The following LAD1 variants were observed in gnomAD, a reference collection of about 807,000 sequenced individuals.
The protein encoded by LAD1 is ladinin 1.
A neutral mutation model predicts 54.2 loss-of-function variants in LAD1; 53 were observed. That is an observed-to-expected ratio of 0.98 (90% CI 0.78 to 1.23). The LOEUF (loss-of-function observed/expected upper bound fraction) is 1.23. LAD1 is among the 50% of genes most tolerant of loss of function. LAD1 has a pLI of 0.00. For synonymous variants in LAD1, 231 were observed against 257.7 expected (o/e 0.90, Z 0.99); for missense variants, 637 against 653.3 (o/e 0.98, Z 0.27).
intron 7 of LAD1, 22 bp downstream of exon 7, chr1:201,383,052 C>G: frequency 6.2e-7 from 1 of 1,606,248 alleles, no homozygotes; most frequent in African/African-American, 1.3e-5. Context: ...CCTAAGGACC[C>G]TGTGGGGCCT....
Position 201,387,180 on chromosome 1 carries a change from T to A in LAD1, c.183-2A>T. On this transcript the variant is annotated splice_acceptor_variant, in intron 2 of 9. Transcript: ENST00000391967. LOFTEE classifies it high-confidence loss of function. ...TCTGCTTCTTCCACGCTCGGTAGTC[T>A]GAATCAGAAGATGGGAGACAGAATC... The A allele has an allele frequency of 6.7e-7, 1 of 1,502,118 alleles. No homozygotes were observed. The highest frequency in any genetic ancestry group is 8.9e-7 in the Non-Finnish European group (1 of 1,127,516). 93.0% of individuals were successfully genotyped at this position (1,502,118 alleles called of 1,614,324 possible).
At position 201,389,587 on chromosome 1, in the gene LAD1, C is replaced by T. The variant is rs139012962; in HGVS notation, c.39-284G>A. ...TAGCACTTTAGGAGGCTGAGACACG[C>T]GGATTGCCTGAGCTCAGGAGTTTGA... On this transcript the variant is annotated intron_variant, in intron 1 of 9. Coordinates refer to ENST00000391967, the MANE Select transcript of LAD1 (RefSeq NM_005558.4). 3.2e-3 allele frequency among the ~76,000 whole-genome samples: 479 copies of T among 151,644 alleles called. 7 individuals are homozygous for T. The highest frequency in any genetic ancestry group is 7.4e-3 in the East Asian group (38 of 5,128).
intron 5 of LAD1, 70 bp downstream of exon 5, chr1:201,384,722 G>T: frequency 1.4e-6 from 2 of 1,472,562 alleles, no homozygotes; most frequent in South Asian, 1.1e-5. Flanking sequence ...CAAGGAGGGC[G>T]GGTGCAGGTA....
Position 201,381,058 on chromosome 1 carries a change from A to G in LAD1, c.*830T>C, listed in dbSNP as rs868436388. 2.6e-5 allele frequency: 4 copies of G among 152,212 alleles called. No homozygotes were observed. The highest frequency in any genetic ancestry group is 3.4e-3 in the Middle Eastern group (1 of 294). 9.4% of individuals were successfully genotyped at this position (152,212 alleles called of 1,614,324 possible). The stretch of plus-strand genomic sequence containing the variant: ...GCCCTGTATGTGGCAGTTCCCAGTC[A>G]CCAAGCTAGGACTGCTGAGTGGCAA... On this transcript the variant is annotated 3_prime_UTR_variant, in exon 10 of 10. Coordinates refer to ENST00000391967, the MANE Select transcript of LAD1 (RefSeq NM_005558.4).
rs147974116 is a variant in LAD1, at chr1:201,390,244, C to T, written c.39-941G>A. Among the ~76,000 whole-genome samples the T allele has an allele frequency of 9.4e-3, 1,407 of 150,458 alleles. 30 individuals carry two copies. The highest frequency in any genetic ancestry group is 0.033 in the African/African-American group (1,337 of 41,118). ...GCTTTTTACTTTTTTAATGTGACTA[C>T]TCAAAAACTTAACATTTTAGGCCGG... On this transcript the variant is annotated intron_variant, in intron 1 of 9. Coordinates refer to ENST00000391967, the MANE Select transcript of LAD1 (RefSeq NM_005558.4).
rs1239437416 is a variant in LAD1, at chr1:201,386,466, C to T, written c.895G>A (p.Gly299Arg). 2 of 1,550,328 alleles carry T rather than the reference C, an allele frequency of 1.3e-6. No individual in the cohort carries two copies. Among genetic ancestry groups the T allele is most frequent in the Admixed American group, 2.1e-5 (1 of 47,822 alleles). The stretch of plus-strand genomic sequence containing the variant: ...TCCTTGGTGGTGGCTGGGCTTCCCC[C>T]AGAGGCTGGCGGCTCCTGCGCCAGG... The part of the protein sequence containing the change: ...QPLAQEPPAS[G>R]GSPATTKEQR... The change falls in exon 3 of 10, where the codon GGG (glycine) becomes AGG (arginine). Residue 299 changes from glycine (G) to arginine (R), a missense_variant. Transcript: ENST00000391967.
chr1:201,381,530 T>C lies in LAD1; in HGVS notation c.*358A>G. On this transcript the variant is annotated 3_prime_UTR_variant, in exon 10 of 10. Transcript: ENST00000391967. The stretch of plus-strand genomic sequence containing the variant: ...ATGAGACAGGTGACTCTGGAGTTCT[T>C]GAGGGGCGCCGTGCCCTGACTGTGG... The C allele has an allele frequency of 2.9e-6, 1 of 342,616 alleles. No homozygotes were observed. Among genetic ancestry groups the C allele is most frequent in the Non-Finnish European group, 5.5e-6 (1 of 182,734 alleles). 21.2% of individuals were successfully genotyped at this position (342,616 alleles called of 1,614,324 possible).
intron 7 of LAD1, 129 bp from the exon 8 acceptor site, chr1:201,382,868 G>C: frequency 2.1e-6 from 2 of 956,708 alleles, no homozygotes; most frequent in African/African-American, 1.6e-5. Context: ...CATATACCTG[G>C]GACAGCCCCC....
rs138044157 is a variant in LAD1, at chr1:201,384,813, G to C, written c.1154C>G (p.Ser385Trp). ...SFRMKPKKENSETTLTRSASM... is the reference protein window; with the variant it reads ...SFRMKPKKENWETTLTRSASM... ...CCACCTGCGAGTTAGGGTTGTTTCC[G>C]AGTTTTCTTTCTTGGGTTTCATCTG... The change falls in exon 5 of 10, where the codon TCG (serine) becomes TGG (tryptophan). Residue 385 changes from serine to tryptophan, a missense_variant. Transcript: ENST00000391967. 53 of 1,613,916 alleles carry C rather than the reference G, an allele frequency of 3.3e-5. No individual in the cohort carries two copies. The highest frequency in any genetic ancestry group is 3.9e-5 in the Non-Finnish European group (46 of 1,180,006).
At chr1:201,389,927 T>C (rs1472536816) in intron 1 of LAD1, among the ~76,000 whole-genome samples, 4 of 152,152 alleles carry the variant, frequency 2.6e-5, no homozygotes, top group Admixed American at 2.6e-4. Flanking sequence ...TTTTGTTTTT[T>C]CCTTTTTTTT....
Position 201,385,706 on chromosome 1 carries a change from A to C in LAD1, c.1126T>G (p.Phe376Val). Reference protein sequence around the residue: ...LKRSSPRTISFRMKPKKENSE... With the variant: ...LKRSSPRTISVRMKPKKENSE... ...AGGGTGCCCAGGGCTCTCACCCGAA[A>C]GGAGATGGTCCTGGGGCTGGAGCGT... The change falls in exon 4 of 10, where the codon TTT becomes GTT. Residue 376 changes from phenylalanine (F) to valine (V), a missense_variant. Phe to Val is a conservative substitution (Grantham distance 50). Coordinates refer to ENST00000391967, the MANE Select transcript of LAD1 (RefSeq NM_005558.4). 6.2e-7 allele frequency: 1 copy of C among 1,611,902 alleles called. No homozygotes were observed. Among genetic ancestry groups the C allele is most frequent in the Non-Finnish European group, 8.5e-7 (1 of 1,177,988 alleles).
chr1:201,396,752 A>G (rs892489123), intron 1 of LAD1, among the ~76,000 whole-genome samples: 10 of 152,262 alleles, frequency 6.6e-5, no homozygotes, highest in Admixed American at 2.0e-4. Flanking sequence ...GCACCTGAGC[A>G]GGGCAGGCCT....
rs764130471 is a variant in LAD1, at chr1:201,386,889, C to T, written c.472G>A (p.Glu158Lys). The T allele has an allele frequency of 1.2e-6, 2 of 1,613,954 alleles. No individual in the cohort carries two copies. Among genetic ancestry groups the T allele is most frequent in the Non-Finnish European group, 1.7e-6 (2 of 1,180,034 alleles). ...REQRGPWALE[E>K]ESLVGREPEE... ...GGCTCCCTGCCCACCAAGCTCTCCT[C>T]CTCCAGGGCCCAGGGGCCCCGCTGT... is the stretch of plus-strand genomic sequence containing the variant. The change falls in exon 3 of 10, where the codon GAG becomes AAG. Residue 158 changes from glutamate (E) to lysine (K), a missense_variant. By Grantham distance (56) the Glu-to-Lys change is moderately conservative (BLOSUM62 1). Transcript: ENST00000391967.
rs1457356481 is a variant in LAD1, at chr1:201,381,736, T to C, written c.*152A>G. 1.2e-6 allele frequency: 1 copy of C among 851,148 alleles called. No homozygotes were observed. Among genetic ancestry groups the C allele is most frequent in the Non-Finnish European group, 2.0e-6 (1 of 500,806 alleles). 52.7% of individuals were successfully genotyped at this position (851,148 alleles called of 1,614,324 possible). A position where few individuals can be genotyped will look rare whatever the true frequency, so the allele number is the denominator to read the frequency against. ...AGGAGCTGGCTGAGTCTTGCAAATA[T>C]TCCTGACCCCAGGGACCCTGGCCAA... On this transcript the variant is annotated 3_prime_UTR_variant, in exon 10 of 10. Coordinates refer to ENST00000391967, the MANE Select transcript of LAD1 (RefSeq NM_005558.4).
Position 201,381,020 on chromosome 1 carries a change from G to A in LAD1, c.*868C>T, listed in dbSNP as rs1452208586. 1.3e-5 allele frequency: 2 copies of A among 152,046 alleles called. No homozygotes were observed. Among genetic ancestry groups the A allele is most frequent in the Non-Finnish European group, 2.9e-5 (2 of 68,068 alleles). 9.4% of individuals were successfully genotyped at this position (152,046 alleles called of 1,614,324 possible). Reference sequence around the variant, plus strand: ...GGGTTGGAGGGGGCTTGTGGGGAAGGAGGGTAGGCCTGGCCCTGTATGTGG... The same window carrying A: ...GGGTTGGAGGGGGCTTGTGGGGAAGAAGGGTAGGCCTGGCCCTGTATGTGG... On this transcript the variant is annotated 3_prime_UTR_variant, in exon 10 of 10. Transcript: ENST00000391967.
chr1:201,399,035 G>A (rs1403016201), intron 1 of LAD1, among the ~76,000 whole-genome samples: 3 of 152,206 alleles, frequency 2.0e-5, no homozygotes, highest in African/African-American at 4.8e-5. Flanking sequence ...CTGAGGACCA[G>A]CCTTCCCCTA....
intron 2 of LAD1, 89 bp downstream of exon 2, chr1:201,389,071 C>G (rs1662148045): frequency 1.4e-6 from 2 of 1,475,414 alleles, no homozygotes; most frequent in Admixed American, 4.0e-5. Flanking sequence ...TTCCTGGGCC[C>G]CAACTCCCTG....
Position 201,399,216 on chromosome 1 carries a change from C to A in LAD1, c.38+53G>T, listed in dbSNP as rs1055876346. 1.0e-5 allele frequency: 15 copies of A among 1,449,942 alleles called. No homozygotes were observed. The African/African-American group carries it at 2.1e-4, about 20-fold the overall frequency. 89.8% of individuals were successfully genotyped at this position (1,449,942 alleles called of 1,614,324 possible). On this transcript the variant is annotated intron_variant, in intron 1 of 9. Coordinates refer to ENST00000391967, the MANE Select transcript of LAD1 (RefSeq NM_005558.4). ...AGGCCGGTGCCCCGAGGAGAGGAGA[C>A]CCAAAGGCTCCCCGCCGACCCCCCG...
Position 201,384,824 on chromosome 1 carries a change from C to G in LAD1, c.1143G>C (p.Lys381Asn). ...TTAGGGTTGTTTCCGAGTTTTCTTT[C>G]TTGGGTTTCATCTGAAATGAGAAGG... ...PRTISFRMKP[K>N]KENSETTLTR... The change falls in exon 5 of 10, where the codon AAG (lysine) becomes AAC (asparagine). Residue 381 changes from lysine to asparagine, a missense_variant. Lys to Asn is a moderately conservative substitution (Grantham distance 94). Coordinates refer to ENST00000391967, the MANE Select transcript of LAD1 (RefSeq NM_005558.4). 1 of 1,614,034 alleles carries G rather than the reference C, an allele frequency of 6.2e-7. No homozygotes were observed. Among genetic ancestry groups the G allele is most frequent in the Non-Finnish European group, 8.5e-7 (1 of 1,180,030 alleles).
Sources: allele counts gnomAD v4.1 joint callset (sites outside exome capture counted in the v4.1 genomes callset), GRCh38; gene constraint gnomAD v4.1.1; transcripts MANE v1.5; gene names NCBI Gene and HGNC (gene_info 2026-07-23, HGNC 2026-07-21).